The following PER2 variants were observed in gnomAD, a reference collection of about 807,000 sequenced individuals.
PER2 encodes the protein period circadian protein homolog 2.
A neutral mutation model predicts 121.0 loss-of-function variants in PER2; 66 were observed. The ratio of observed to expected loss-of-function variants is 0.55; its 90% CI spans 0.45 to 0.67. The LOEUF (loss-of-function observed/expected upper bound fraction) is 0.67. Ranked by LOEUF, PER2 falls within the 30% of genes least tolerant of loss-of-function variation. The pLI is 0.00. For synonymous variants in PER2, 684 were observed against 659.9 expected (o/e 1.04, Z -0.56); for missense variants, 1,521 against 1,635.0 (o/e 0.93, Z 1.20).
chr2:238,291,987 C>T (rs1357155873), upstream of PER2, among the ~76,000 whole-genome samples: 1 of 152,158 alleles, frequency 6.6e-6, no homozygotes, highest in Non-Finnish European at 1.5e-5. Flanking sequence ...CATAGTGAGA[C>T]ACTGTCTCTA....
chr2:238,266,042 T>C (rs1696086783), intron 8 of PER2, among the ~76,000 whole-genome samples: 1 of 152,096 alleles, frequency 6.6e-6, no homozygotes, highest in Non-Finnish European at 1.5e-5. Flanking sequence ...TAGTTGGGAC[T>C]ACAGGCGTGT....
chr2:238,269,264 CAATT>C (rs1173963538), intron 6 of PER2, among the ~76,000 whole-genome samples: 3 of 152,252 alleles, frequency 2.0e-5, no homozygotes, highest in East Asian at 1.9e-4. Context: ...GCAAACACAC[CAATT>C]AATTAACCAC....
chr2:238,282,521 G>GTT (rs1696660354), intron 1 of PER2, among the ~76,000 whole-genome samples: 1 of 152,314 alleles, frequency 6.6e-6, no homozygotes, highest in African/African-American at 2.4e-5. Context: ...CCACTAAAAG[G>GTT]ATAGAGGCCA....
Position 238,268,961 on chromosome 2 carries a change from T to C in PER2, c.786A>G (p.Gln262=), listed in dbSNP as rs1241704996. ...AGAAAGATTTCTCCTCCATGCATTC[T>C]TGAGTAAAAGAATCTAAAAGAGAGA... is the stretch of plus-strand genomic sequence containing the variant. ...SMCSGADSFT[Q]ECMEEKSFFC... is the part of the protein sequence containing the mutation. The change falls in exon 7 of 23, where the codon CAA becomes CAG. Residue 262 remains glutamine (Q), a synonymous_variant. Coordinates refer to ENST00000254657, the MANE Select transcript of PER2 (RefSeq NM_022817.3). The surrounding 1 kb of genome is among the most constrained non-coding windows in gnomAD (Gnocchi z 4.0). 1.9e-6 allele frequency: 3 copies of C among 1,612,290 alleles called. No homozygotes were observed. The highest frequency in any genetic ancestry group is 2.5e-6 in the Non-Finnish European group (3 of 1,178,274).
chr2:238,272,354 T>C (rs1696315875), intron 5 of PER2, among the ~76,000 whole-genome samples: 1 of 152,206 alleles, frequency 6.6e-6, no homozygotes, highest in African/African-American at 2.4e-5. Context: ...AGCCTTGCTG[T>C]CTCCCAGGGT....
Position 238,258,316 on chromosome 2 carries a change from A to G in PER2, c.1860T>C (p.Asp620=). ...PANVPALRSS[D]KRKATVSPGP... The stretch of plus-strand genomic sequence containing the variant: ...CTGGGCTGACTGTGGCCTTCCGCTT[A>G]TCACTGGACCTTAGCGCTGGGACGT... Residue 620 remains aspartate, a synonymous_variant, in exon 16 of 23, where the codon GAT becomes GAC. Transcript: ENST00000254657. 1 of 1,614,210 alleles carries G rather than the reference A, an allele frequency of 6.2e-7. No individual in the cohort carries two copies. The highest frequency in any genetic ancestry group is 1.3e-5 in the African/African-American group (1 of 75,042).
At position 238,246,067 on chromosome 2, in the gene PER2, G is replaced by T; in HGVS notation, c.*308C>A. On this transcript the variant is annotated 3_prime_UTR_variant, in exon 23 of 23. Transcript: ENST00000254657. Reference sequence around the variant, plus strand: ...TCACAGGACTTCTGGGAGCACTGAGGCAACTTCCCTGACACTAAGAGGCGC... The same window carrying T: ...TCACAGGACTTCTGGGAGCACTGAGTCAACTTCCCTGACACTAAGAGGCGC... 1 of 219,398 alleles carries T rather than the reference G, an allele frequency of 4.6e-6. No individual in the cohort carries two copies. The highest frequency in any genetic ancestry group is 8.8e-6 in the Non-Finnish European group (1 of 113,260). The allele number at this position is 219,398 out of a possible 1,614,324, so 13.6% of individuals were successfully genotyped here. A position where few individuals can be genotyped will look rare whatever the true frequency, so the allele number is the denominator to read the frequency against.
rs200802848 is a variant in PER2, at chr2:238,271,431, T to C, written c.653A>G (p.Lys218Arg). The C allele has an allele frequency of 1.2e-6, 2 of 1,614,016 alleles. No homozygotes were observed. The highest frequency in any genetic ancestry group is 4.5e-5 in the East Asian group (2 of 44,876). ...CTTGGCATCGCTGAAGGCATCTCTT[T>C]TACAGTGAAATATGGATGCAACCTG... ...SDQVASIFHC[K>R]RDAFSDAKFV... The change falls in exon 6 of 23, where the codon AAA becomes AGA. Residue 218 changes from lysine (K) to arginine (R), a missense_variant. Coordinates refer to ENST00000254657, the MANE Select transcript of PER2 (RefSeq NM_022817.3).
intron 1 of PER2, among the ~76,000 whole-genome samples, chr2:238,281,571 C>T (rs918204809): frequency 9.2e-5 from 14 of 152,274 alleles, no homozygotes; most frequent in African/African-American, 3.4e-4. Flanking sequence ...AACAGAGAGA[C>T]TAAGCAAGAA....
chr2:238,293,142 T>C (rs1696976340), upstream of PER2, among the ~76,000 whole-genome samples: 1 of 152,160 alleles, frequency 6.6e-6, no homozygotes, highest in South Asian at 2.1e-4. Flanking sequence ...TAATCTTTTC[T>C]TTTTTGCAGA....
rs915162409 is a variant in PER2, at chr2:238,252,153, T to G, written c.3112-392A>C. Among the ~76,000 whole-genome samples, 1 of 152,120 alleles carries G rather than the reference T, an allele frequency of 6.6e-6. No homozygotes were observed. The highest frequency in any genetic ancestry group is 6.5e-5 in the Admixed American group (1 of 15,276). On this transcript the variant is annotated intron_variant, in intron 19 of 22. Coordinates refer to ENST00000254657, the MANE Select transcript of PER2 (RefSeq NM_022817.3). The surrounding 1 kb of genome is among the most constrained non-coding windows in gnomAD (Gnocchi z 4.2). ...CTGCCTTGGGATTGAGGGCGGGGCC[T>G]GGCCTGGGGAGCATCCCTGACCCTC...
chr2:238,289,060 T>A (rs1341008033), upstream of PER2: 1 of 152,216 alleles, frequency 6.6e-6, no homozygotes, highest in Non-Finnish European at 1.5e-5. Flanking sequence ...TTCCATTCAC[T>A]ACGCCCTCAA....
chr2:238,261,565 G>A (rs1301186676), intron 12 of PER2, 164 bp downstream of exon 12: 1 of 671,448 alleles, frequency 1.5e-6, no homozygotes, highest in African/African-American at 1.8e-5. Flanking sequence ...GACTGTCTCG[G>A]ACTAGCACAG....
At chr2:238,246,556 A>C (rs776121837) in intron 22 of PER2, 32 bp from the exon 23 acceptor site, 2 of 1,476,604 alleles carry the variant, frequency 1.4e-6, no homozygotes, top group Admixed American at 3.4e-5. Flanking sequence ...AATCAGTAAC[A>C]AACTTGAGAT....
chr2:238,246,744 C>T (rs1173020542), intron 22 of PER2, among the ~76,000 whole-genome samples: 2 of 152,198 alleles, frequency 1.3e-5, no homozygotes, highest in African/African-American at 4.8e-5. Context: ...GGCGTGGTGG[C>T]AGGCACCTGT....
At chr2:238,265,393 T>C in intron 9 of PER2, 119 bp downstream of exon 9, 1 of 709,112 alleles carries the variant, frequency 1.4e-6, no homozygotes, top group Non-Finnish European at 2.6e-6. Flanking sequence ...ATTGCCTGTA[T>C]ATAATTACAT....
chr2:238,255,767 T>TCC lies in PER2; in HGVS notation c.2208_2209dup (p.Glu737GlyfsTer13). 1 of 1,614,232 alleles carries TCC rather than the reference T, an allele frequency of 6.2e-7. No individual in the cohort carries two copies. Among genetic ancestry groups the TCC allele is most frequent in the Non-Finnish European group, 8.5e-7 (1 of 1,180,040 alleles). Reference sequence around the variant, plus strand: ...GAACTTCTGCAGGAAGCTCTGCTCCTCCTTCTGTGTGTGTGCAGCGAGTAC... The same window carrying TCC: ...GAACTTCTGCAGGAAGCTCTGCTCCTCCCCTTCTGTGTGTGTGCAGCGAGTAC... On this transcript the variant is annotated frameshift_variant, in exon 18 of 23. Coordinates refer to ENST00000254657, the MANE Select transcript of PER2 (RefSeq NM_022817.3). LOFTEE classifies it high-confidence loss of function.
intron 8 of PER2, 119 bp downstream of exon 8, chr2:238,267,937 G>A (rs1162077312): frequency 4.4e-6 from 5 of 1,143,354 alleles, no homozygotes; most frequent in Non-Finnish European, 6.4e-6. Context: ...GAGGTGGAGA[G>A]GCCAAGGCTG....
intron 18 of PER2, 48 bp downstream of exon 18, chr2:238,255,609 C>G: frequency 6.3e-7 from 1 of 1,599,504 alleles, no homozygotes. Flanking sequence ...TCAGTACCAA[C>G]AGGAATAAAG....
Sources: allele counts gnomAD v4.1 joint callset (sites outside exome capture counted in the v4.1 genomes callset), GRCh38; gene constraint gnomAD v4.1.1; non-coding constraint Gnocchi (gnomAD v3.1); transcripts MANE v1.5; gene names NCBI Gene and HGNC (gene_info 2026-07-23, HGNC 2026-07-21).